Variants in CDC14B observed in about 807,000 individuals in gnomAD.
CDC14B encodes the protein cell division cycle 14B.
A neutral mutation model predicts 64.2 loss-of-function variants in CDC14B; 22 were observed. The observed-to-expected ratio is 0.34, with a 90% CI of 0.24 to 0.49. The LOEUF (loss-of-function observed/expected upper bound fraction) is 0.49. Ranked by LOEUF, CDC14B falls within the 20% of genes least tolerant of loss-of-function variation. The pLI, the probability that CDC14B is intolerant of heterozygous loss-of-function variation, is 0.99. For synonymous variants in CDC14B, 191 were observed against 215.8 expected (o/e 0.89, Z 1.01); for missense variants, 498 against 629.9 (o/e 0.79, Z 2.24).
At chr9:96,618,333 G>T (rs1847767377) in intron 1 of CDC14B, among the ~76,000 whole-genome samples, 1 of 152,204 alleles carries the variant, frequency 6.6e-6, no homozygotes, top group South Asian at 2.1e-4. Context: ...GGACAGCTCT[G>T]CTGTTTACAC....
chr9:96,606,531 G>A lies in CDC14B; in HGVS notation c.160+12688C>T, dbSNP rs1439986848. ...GATCTCATCTCTACTAAAAGTTTGT[G>A]TGTGTGTGTGTGTGTGTGTGTGTGT... is the stretch of plus-strand genomic sequence containing the variant. On this transcript the variant is annotated intron_variant, in intron 1 of 13. Transcript: ENST00000375241. Among the ~76,000 whole-genome samples the A allele has an allele frequency of 8.1e-5, 8 of 98,304 alleles. No individual in the cohort carries two copies. In the South Asian group the frequency reaches 2.3e-3, roughly 28 times the overall value. The allele number at this position is 98,304 out of a possible 152,430, so 64.5% of individuals were successfully genotyped here.
intron 1 of CDC14B, among the ~76,000 whole-genome samples, chr9:96,596,364 CAAAAAA>C (rs113025946): frequency 1.3e-5 from 1 of 74,074 alleles, no homozygotes; most frequent in African/African-American, 4.1e-5. Flanking sequence ...GACTCCATCT[CAAAAAA>C]AAAAAAAAAA....
rs57056796 is a variant in CDC14B at position 96,574,697 on chromosome 9, C to CAAAAAAAAAA, written c.161-9224_161-9215dup. Among the ~76,000 whole-genome samples the CAAAAAAAAAA allele has an allele frequency of 4.2e-3, 212 of 49,938 alleles. 33 individuals are homozygous for CAAAAAAAAAA. Among genetic ancestry groups the CAAAAAAAAAA allele is most frequent in the African/African-American group, 0.016 (196 of 11,914 alleles). The allele number at this position is 49,938 out of a possible 152,430, so 32.8% of individuals were successfully genotyped here. On this transcript the variant is annotated intron_variant, in intron 1 of 13. Coordinates refer to ENST00000375241, the MANE Select transcript of CDC14B (RefSeq NM_033331.4). The stretch of plus-strand genomic sequence containing the variant: ...GCAACAAGAGCGAAACTCGGTCTCA[C>CAAAAAAAAAA]AAAAAAAAAAAAAAAAAAAAAAGAT...
At chr9:96,529,075 T>C (rs1017221628) in intron 9 of CDC14B, among the ~76,000 whole-genome samples, 4 of 152,244 alleles carry the variant, frequency 2.6e-5, no homozygotes, top group Non-Finnish European at 5.9e-5. Context: ...TATACTTTGA[T>C]GCACAAAAGT....
intron 7 of CDC14B, among the ~76,000 whole-genome samples, chr9:96,536,182 G>A (rs1839236011): frequency 6.6e-6 from 1 of 152,208 alleles, no homozygotes; most frequent in African/African-American, 2.4e-5. Context: ...GAACTGGTGT[G>A]TGGGAACCTA....
At chr9:96,581,158 A>T (rs1845125607) in intron 1 of CDC14B, among the ~76,000 whole-genome samples, 1 of 152,200 alleles carries the variant, frequency 6.6e-6, no homozygotes, top group South Asian at 2.1e-4. Context: ...TGAACCCAGG[A>T]GGTGGAGGTT....
At chr9:96,576,128 A>G (rs1360564903) in intron 1 of CDC14B, among the ~76,000 whole-genome samples, 1 of 151,490 alleles carries the variant, frequency 6.6e-6, no homozygotes, top group Non-Finnish European at 1.5e-5. Flanking sequence ...AAACAAAAAA[A>G]TTAAGCTGGG....
rs1475997628 is a variant in CDC14B at position 96,579,289 on chromosome 9, A to G, written c.161-13806T>C. On this transcript the variant is annotated intron_variant, in intron 1 of 13. Transcript: ENST00000375241. ...TCATACAGGTGGGACTGATATCCTT[A>G]TAAGATGAGAGATACAGGCCAGGCG... Among the ~76,000 whole-genome samples the G allele has an allele frequency of 2.6e-5, 4 of 152,014 alleles. 1 individual carries two copies. The highest frequency in any genetic ancestry group is 2.6e-4 in the Admixed American group (4 of 15,240).
At chr9:96,507,019 C>T (rs1425831855) in intron 13 of CDC14B, among the ~76,000 whole-genome samples, 1 of 152,202 alleles carries the variant, frequency 6.6e-6, no homozygotes, top group Non-Finnish European at 1.5e-5. Context: ...AGCGGCCGGG[C>T]GCCGTGGCTC....
rs1847237760 is a variant in CDC14B, at chr9:96,610,403, T to C, written c.160+8816A>G. The stretch of plus-strand genomic sequence containing the variant: ...TTAGTAGTGATGGGGTTTCAGCATG[T>C]TAGCCAGGATGGTCTTGATCTCCTG... On this transcript the variant is annotated intron_variant, in intron 1 of 13. Transcript: ENST00000375241. Among the ~76,000 whole-genome samples, 3 of 152,100 alleles carry C rather than the reference T, an allele frequency of 2.0e-5. No individual in the cohort carries two copies. The South Asian group carries it at 6.2e-4, about 32-fold the overall frequency.
At chr9:96,494,635 ACGC>A in intron 13 of CDC14B, among the ~76,000 whole-genome samples, 1 of 152,102 alleles carries the variant, frequency 6.6e-6, no homozygotes, top group East Asian at 1.9e-4. Context: ...CCCCACAGCT[ACGC>A]CTTGGGCCAA....
Position 96,509,790 on chromosome 9 carries a change from C to T in CDC14B, c.1344-1G>A. Reference sequence around the variant, plus strand: ...CTGAACACTGGATTGAAGAATTACTCTGAAAATAGTTGGAAAAAAATAAGA... The same window carrying T: ...CTGAACACTGGATTGAAGAATTACTTTGAAAATAGTTGGAAAAAAATAAGA... On this transcript the variant is annotated splice_acceptor_variant, in intron 12 of 13. Coordinates refer to ENST00000375241, the MANE Select transcript of CDC14B (RefSeq NM_033331.4). LOFTEE classifies it high-confidence loss of function. The T allele has an allele frequency of 1.3e-6, 2 of 1,560,380 alleles. No homozygotes were observed. The highest frequency in any genetic ancestry group is 2.2e-5 in the East Asian group (1 of 44,494).
chr9:96,503,934 T>C, intron 13 of CDC14B, 145 bp from the exon 14 acceptor site: 1 of 634,458 alleles, frequency 1.6e-6, no homozygotes, highest in Non-Finnish European at 2.8e-6. Flanking sequence ...ACAAATACTT[T>C]GGAGAAGACA....
At chr9:96,577,808 T>C (rs1422422820) in intron 1 of CDC14B, among the ~76,000 whole-genome samples, 2 of 152,190 alleles carry the variant, frequency 1.3e-5, no homozygotes, top group Admixed American at 6.5e-5. Flanking sequence ...TTCATACATA[T>C]GTTCACCAAG....
chr9:96,603,322 C>T (rs1035515338), intron 1 of CDC14B, among the ~76,000 whole-genome samples: 2 of 151,964 alleles, frequency 1.3e-5, no homozygotes, highest in Non-Finnish European at 2.9e-5. Context: ...TTTGAACCTA[C>T]ATGCATATAT....
chr9:96,519,696 A>G, intron 12 of CDC14B, among the ~76,000 whole-genome samples: 1 of 146,942 alleles, frequency 6.8e-6, no homozygotes, highest in East Asian at 2.0e-4. Flanking sequence ...ACACCATTGC[A>G]CTCCAGCCCG....
chr9:96,553,356 TTTTC>T (rs1176694660), intron 4 of CDC14B, among the ~76,000 whole-genome samples: 1 of 144,200 alleles, frequency 6.9e-6, no homozygotes, highest in Non-Finnish European at 1.5e-5. Context: ...CTTTCTTTTC[TTTTC>T]TTTTTTTTTT....
At chr9:96,573,431 A>T (rs1844590144) in intron 1 of CDC14B, among the ~76,000 whole-genome samples, 1 of 152,228 alleles carries the variant, frequency 6.6e-6, no homozygotes, top group Non-Finnish European at 1.5e-5. Context: ...TTTTCTATCT[A>T]CTTGTAATAA....
rs149698259 is a variant in CDC14B, at chr9:96,519,463, C to T, written c.1343+3043G>A. ...TATAAAAGAGAAACCGGCCAGGCGCCGGTGGTTCATGCCTGTAATCCTAGC... is the reference window on the plus strand; with the variant it reads ...TATAAAAGAGAAACCGGCCAGGCGCTGGTGGTTCATGCCTGTAATCCTAGC... On this transcript the variant is annotated intron_variant, in intron 12 of 13. Coordinates refer to ENST00000375241, the MANE Select transcript of CDC14B (RefSeq NM_033331.4). Among the ~76,000 whole-genome samples, 746 of 152,094 alleles carry T rather than the reference C, an allele frequency of 4.9e-3. 4 individuals carry two copies. The highest frequency in any genetic ancestry group is 0.017 in the African/African-American group (712 of 41,520).
Sources: allele counts gnomAD v4.1 joint callset (sites outside exome capture counted in the v4.1 genomes callset), GRCh38; gene constraint gnomAD v4.1.1; transcripts MANE v1.5; gene names NCBI Gene and HGNC (gene_info 2026-07-23, HGNC 2026-07-21).